Variants in MOSMO observed in about 807,000 individuals in gnomAD.
MOSMO encodes the protein modulator of smoothened protein.
In MOSMO, 5 loss-of-function variants were observed where a neutral mutation model predicts 18.4. That is an observed-to-expected ratio of 0.27 (90% confidence interval 0.14 to 0.57). The LOEUF (loss-of-function observed/expected upper bound fraction) is 0.57, where lower values mean the gene tolerates loss of function less well. Among genes scored for constraint, MOSMO ranks in the 20% least tolerant of loss-of-function variants. The pLI, the probability that MOSMO is intolerant of heterozygous loss-of-function variation, is 0.92. For synonymous variants in MOSMO, 82 were observed against 82.3 expected (o/e 1.00, Z 0.02); for missense variants, 138 against 211.8 (o/e 0.65, Z 2.16).
chr16:22,048,857 T>TTGTAAAG (rs1231460478), intron 1 of MOSMO, among the ~76,000 whole-genome samples: 1 of 152,148 alleles, frequency 6.6e-6, no homozygotes, highest in African/African-American at 2.4e-5. Context: ...TTGTAAAGCC[T>TTGTAAAG]CTTGAATTTA....
chr16:22,043,245 G>C (rs1900243816), intron 1 of MOSMO, among the ~76,000 whole-genome samples: 2 of 152,256 alleles, frequency 1.3e-5, no homozygotes, highest in East Asian at 3.9e-4. Flanking sequence ...TCTTCATGAG[G>C]ACAGATAAGC....
At chr16:22,043,257 T>G (rs1442539864) in intron 1 of MOSMO, among the ~76,000 whole-genome samples, 5 of 152,226 alleles carry the variant, frequency 3.3e-5, no homozygotes, top group African/African-American at 1.2e-4. Flanking sequence ...CAGATAAGCA[T>G]TATGAATAGC....
At chr16:22,026,874 C>T (rs549708831) in intron 1 of MOSMO, among the ~76,000 whole-genome samples, 3 of 152,226 alleles carry the variant, frequency 2.0e-5, no homozygotes, top group African/African-American at 4.8e-5. Flanking sequence ...TTAAACTGTT[C>T]AGGAATTTAG....
Position 22,083,949 on chromosome 16 carries a change from ATTTGT to A in MOSMO, c.*3078_*3082del, listed in dbSNP as rs1047554358. The A allele has an allele frequency of 4.7e-5, 13 of 277,260 alleles. No homozygotes were observed. The highest frequency in any genetic ancestry group is 3.0e-4 in the African/African-American group (13 of 43,322). 17.2% of individuals were successfully genotyped at this position (277,260 alleles called of 1,614,324 possible). ...CTCTTATAAACCTATTTTCTGTTTCATTTGTTTTGTTTTTGAAGGATGGCTCTTTT... is the reference window on the plus strand; with the variant it reads ...CTCTTATAAACCTATTTTCTGTTTCATTTGTTTTTGAAGGATGGCTCTTTT... On this transcript the variant is annotated 3_prime_UTR_variant, in exon 3 of 3. Transcript: ENST00000542527.
chr16:22,034,507 T>C (rs1426031415), intron 1 of MOSMO, among the ~76,000 whole-genome samples: 1 of 152,146 alleles, frequency 6.6e-6, no homozygotes, highest in Non-Finnish European at 1.5e-5. Context: ...TATTTTTCTT[T>C]CAACACTTAA....
rs1900893516 is a variant in MOSMO at position 22,073,187 on chromosome 16, C to T, written c.107-2300C>T. The stretch of plus-strand genomic sequence containing the variant: ...TACTCAAATATTTAGAAGGAAAGTT[C>T]AGTTATGATGTACTGAACCTACAAT... On this transcript the variant is annotated intron_variant, in intron 1 of 2. Transcript: ENST00000542527. 2.0e-5 allele frequency among the ~76,000 whole-genome samples: 3 copies of T among 152,006 alleles called. No homozygotes were observed. The South Asian group carries it at 6.2e-4, about 31-fold the overall frequency.
downstream of MOSMO, chr16:22,089,919 A>G (rs552812967): frequency 1.3e-5 from 2 of 151,354 alleles, no homozygotes; most frequent in Admixed American, 1.3e-4. Flanking sequence ...GGAGAATATC[A>G]TCTCCCCTTT....
At chr16:22,032,112 C>T (rs1037984305) in intron 1 of MOSMO, among the ~76,000 whole-genome samples, 2 of 151,638 alleles carry the variant, frequency 1.3e-5, no homozygotes, top group Non-Finnish European at 2.9e-5. Context: ...AATGATGTAG[C>T]GCATCTTTCC....
At chr16:22,021,362 T>A (rs1254020410) in intron 1 of MOSMO, among the ~76,000 whole-genome samples, 1 of 152,152 alleles carries the variant, frequency 6.6e-6, no homozygotes, top group Non-Finnish European at 1.5e-5. Context: ...GCTTGAAAAT[T>A]TACCTAAATT....
chr16:22,031,773 T>C (rs1414444204), intron 1 of MOSMO, among the ~76,000 whole-genome samples: 1 of 152,188 alleles, frequency 6.6e-6, no homozygotes, highest in Non-Finnish European at 1.5e-5. Context: ...GACATTTGGG[T>C]CCTTTCTACT....
chr16:22,022,336 T>C (rs1346929770), intron 1 of MOSMO, among the ~76,000 whole-genome samples: 1 of 152,174 alleles, frequency 6.6e-6, no homozygotes, highest in Non-Finnish European at 1.5e-5. Context: ...CGGTATCACT[T>C]TCACGATGTA....
intron 2 of MOSMO, among the ~76,000 whole-genome samples, chr16:22,078,141 AC>A (rs1397275665): frequency 2.0e-5 from 3 of 151,928 alleles, no homozygotes; most frequent in Non-Finnish European, 4.4e-5. Context: ...TTCCTTTGCC[AC>A]CCTGATTTCC....
chr16:22,029,123 G>T (rs145732830), intron 1 of MOSMO, among the ~76,000 whole-genome samples: 1 of 152,116 alleles, frequency 6.6e-6, no homozygotes, highest in Admixed American at 6.6e-5. Flanking sequence ...GCCTGCCTCT[G>T]CCTCCCAAAG....
At chr16:22,011,277 G>A (rs897807373) in intron 1 of MOSMO, among the ~76,000 whole-genome samples, 1 of 152,066 alleles carries the variant, frequency 6.6e-6, no homozygotes, top group Non-Finnish European at 1.5e-5. Flanking sequence ...TGGAAATAAG[G>A]AAACATCAAG....
At chr16:22,068,237 A>G (rs11649675) in intron 1 of MOSMO, among the ~76,000 whole-genome samples, 14,859 of 152,236 alleles carry the variant, frequency 0.098, 915 homozygotes, top group Admixed American at 0.13. Flanking sequence ...TTGCATAATA[A>G]TAGTTCAAAG....
intron 1 of MOSMO, chr16:22,064,283 C>G: frequency 2.2e-6 from 1 of 456,204 alleles, no homozygotes; most frequent in Non-Finnish European, 4.4e-6. Flanking sequence ...TTCCACAGTA[C>G]TTTTCTGGCC....
At chr16:22,091,978 G>A (rs575933497), downstream of MOSMO, among the ~76,000 whole-genome samples, 19 of 152,172 alleles carry the variant, frequency 1.2e-4, no homozygotes, top group Non-Finnish European at 2.4e-4. Flanking sequence ...TCAATCTCCT[G>A]AATGGGAATG....
chr16:22,074,344 A>G (rs1900920455), intron 1 of MOSMO, among the ~76,000 whole-genome samples: 1 of 152,168 alleles, frequency 6.6e-6, no homozygotes, highest in African/African-American at 2.4e-5. Flanking sequence ...CCAAGGCGGG[A>G]GGATCGCTTG....
At chr16:22,028,682 A>G (rs1385032966) in intron 1 of MOSMO, among the ~76,000 whole-genome samples, 4 of 152,082 alleles carry the variant, frequency 2.6e-5, no homozygotes, top group South Asian at 2.1e-4. Flanking sequence ...GAATTATTAT[A>G]TGTAATCTAC....
Sources: gnomAD v4.1 joint callset for allele counts (sites outside exome capture counted in the v4.1 genomes callset) on GRCh38, gnomAD v4.1.1 for gene constraint, MANE v1.5 for transcripts, NCBI Gene and HGNC (gene_info 2026-07-23, HGNC 2026-07-21) for gene names.